SGSM3: variants seen among roughly 807,000 people sequenced by gnomAD.
SGSM3 encodes the protein small G protein signaling modulator 3.
A neutral mutation model predicts 100.5 loss-of-function variants in SGSM3; 96 were observed. That is an observed-to-expected ratio of 0.96 (90% CI 0.81 to 1.13). SGSM3 has a LOEUF of 1.13. Ranked by LOEUF, SGSM3 falls within the 50% of genes most tolerant of loss-of-function variation. The probability of loss-of-function intolerance (pLI) is 0.00; values close to 1 mark genes in which losing one functional copy is unlikely to be tolerated. For missense variants in SGSM3, 1,001 were observed against 1,015.8 expected, an observed-to-expected ratio of 0.99 and a Z score of 0.20; for synonymous variants, 483 against 422.8, an observed-to-expected ratio of 1.14 and a Z score of -1.75.
chr22:40,400,030 G>C (rs554217510), intron 1 of SGSM3, among the ~76,000 whole-genome samples: 3 of 152,138 alleles, frequency 2.0e-5, no homozygotes, highest in Non-Finnish European at 4.4e-5. Flanking sequence ...CCTTTGAAGT[G>C]GTGGTTTGAT....
chr22:40,384,292 C>T (rs1188142877), intron 1 of SGSM3, among the ~76,000 whole-genome samples: 2 of 151,888 alleles, frequency 1.3e-5, no homozygotes, highest in African/African-American at 2.4e-5. Flanking sequence ...TTACCCTAAA[C>T]CTTAGGATCT....
intron 17 of SGSM3, 31 bp downstream of exon 17, chr22:40,408,728 C>T: frequency 6.2e-7 from 1 of 1,613,924 alleles, no homozygotes; most frequent in Non-Finnish European, 8.5e-7. Context: ...CTGGTGGGGT[C>T]ACCAGCAGTG....
intron 3 of SGSM3, 64 bp from the exon 4 acceptor site, chr22:40,402,075 C>G: frequency 7.8e-7 from 1 of 1,284,286 alleles, no homozygotes; most frequent in Non-Finnish European, 1.1e-6. Context: ...TGGGTGGCAT[C>G]TTTCAGACCT....
At position 40,408,309 on chromosome 22, in the gene SGSM3, G is replaced by T; in HGVS notation, c.1662G>T (p.Glu554Asp). Reference protein sequence around the residue: ...YSIAGDDSVTEGVTDLVRGTL... With the variant: ...YSIAGDDSVTDGVTDLVRGTL... Reference sequence around the variant, plus strand: ...TCGCGGGGGATGACTCGGTGACGGAGGGGGTCACAGACCTCGTGCGAGGGA... The same window carrying T: ...TCGCGGGGGATGACTCGGTGACGGATGGGGTCACAGACCTCGTGCGAGGGA... Residue 554 changes from glutamate to aspartate, a missense_variant, in exon 16 of 22, where the codon GAG becomes GAT. Transcript: ENST00000248929. The T allele has an allele frequency of 6.2e-7, 1 of 1,613,596 alleles. No individual in the cohort carries two copies. Among genetic ancestry groups the T allele is most frequent in the Non-Finnish European group, 8.5e-7 (1 of 1,179,982 alleles).
rs557910657 is a variant in SGSM3, at chr22:40,409,579, C to T, written c.2172+54C>T. ...CACTGATGGAGCTGCCCAAACCGTTCGCGGGGTGGCTAAGGTGGGAACCCG... is the reference window on the plus strand; with the variant it reads ...CACTGATGGAGCTGCCCAAACCGTTTGCGGGGTGGCTAAGGTGGGAACCCG... On this transcript the variant is annotated intron_variant, in intron 21 of 21. Coordinates refer to ENST00000248929, the MANE Select transcript of SGSM3 (RefSeq NM_015705.6). 216 of 1,612,920 alleles carry T rather than the reference C, an allele frequency of 1.3e-4. 1 individual carries two copies. The South Asian group carries it at 1.6e-3, about 12-fold the overall frequency.
chr22:40,408,036 G>C (rs778305165), intron 14 of SGSM3, 35 bp from the exon 15 acceptor site: 3 of 1,608,452 alleles, frequency 1.9e-6, no homozygotes, highest in African/African-American at 1.3e-5. Context: ...CTCGGCCCTC[G>C]TGGTTGCTCC....
rs1413953306 is a variant in SGSM3, at chr22:40,408,368, A to G, written c.1721A>G (p.His574Arg). The G allele has an allele frequency of 2.5e-6, 4 of 1,613,412 alleles. No individual in the cohort carries two copies. The highest frequency in any genetic ancestry group is 3.4e-6 in the Non-Finnish European group (4 of 1,179,982). Reference sequence around the variant, plus strand: ...CCGGCCCTTAAGGCCCTGTTCGAACATGGACTGAAGAAGCCATCCCTGCTT... The same window carrying G: ...CCGGCCCTTAAGGCCCTGTTCGAACGTGGACTGAAGAAGCCATCCCTGCTT... ...LCPALKALFE[H>R]GLKKPSLLGG... Residue 574 changes from histidine to arginine, a missense_variant, in exon 16 of 22, where the codon CAT (histidine) becomes CGT (arginine). Transcript: ENST00000248929.
At chr22:40,397,836 T>C (rs1209356600) in intron 1 of SGSM3, among the ~76,000 whole-genome samples, 3 of 152,198 alleles carry the variant, frequency 2.0e-5, no homozygotes, top group African/African-American at 7.2e-5. Flanking sequence ...CTAACCCATA[T>C]TCTAAAGAGC....
chr22:40,371,081 ACTC>A lies in SGSM3; in HGVS notation c.-112+400_-112+402del, dbSNP rs564233133. Among the ~76,000 whole-genome samples, 18 of 152,082 alleles carry A rather than the reference ACTC, an allele frequency of 1.2e-4. No homozygotes were observed. In the East Asian group the frequency reaches 3.5e-3, roughly 29 times the overall value. Reference sequence around the variant, plus strand: ...GGCTCTGGCACCGGGACAGCTGCAGACTCCTCCTCAGGTTTAACTTGCGGTTTT... The same window carrying A: ...GGCTCTGGCACCGGGACAGCTGCAGACTCCTCAGGTTTAACTTGCGGTTTT... On this transcript the variant is annotated intron_variant, in intron 1 of 21. Transcript: ENST00000248929.
At chr22:40,380,890 A>G (rs1242416925) in intron 1 of SGSM3, among the ~76,000 whole-genome samples, 1 of 152,048 alleles carries the variant, frequency 6.6e-6, no homozygotes, top group Non-Finnish European at 1.5e-5. Flanking sequence ...AGCTGTGATC[A>G]CACCACTTCC....
chr22:40,377,108 A>G (rs1483032018), intron 1 of SGSM3, among the ~76,000 whole-genome samples: 2 of 152,224 alleles, frequency 1.3e-5, no homozygotes, highest in Non-Finnish European at 2.9e-5. Flanking sequence ...TTTAGTAGAC[A>G]TAAGTTGTTT....
In SGSM3 at chr22:40,405,219, C is replaced by A. The variant is rs1242808496; in HGVS notation, c.553C>A (p.Arg185Ser). 2 of 1,585,860 alleles carry A rather than the reference C, an allele frequency of 1.3e-6. No individual in the cohort carries two copies. The highest frequency in any genetic ancestry group is 1.7e-6 in the Non-Finnish European group (2 of 1,164,950). ...GGGTAGCATCGGGGTGCCCCGCCTG[C>A]GCAGGGTGCTCCGGGCCCTGGCCTG... The part of the protein sequence containing the change: ...SMGSIGVPRL[R>S]RVLRALAWLY... The change falls in exon 7 of 22, where the codon CGC becomes AGC. Residue 185 changes from arginine (R) to serine (S), a missense_variant. By Grantham distance (110) the Arg-to-Ser change is moderately radical. Transcript: ENST00000248929.
In SGSM3 at chr22:40,410,010, G is replaced by A. The variant is rs1602174525; in HGVS notation, c.*251G>A. 7.5e-7 allele frequency: 1 copy of A among 1,336,808 alleles called. No individual in the cohort carries two copies. The highest frequency in any genetic ancestry group is 3.0e-5 in the East Asian group (1 of 33,214). The allele number at this position is 1,336,808 out of a possible 1,614,324, so 82.8% of individuals were successfully genotyped here. Reference sequence around the variant, plus strand: ...CCAAAAACCTTGTGAGGAGGTGGGGGAGCCATGTCTGTGCTCAGGAAGAGG... The same window carrying A: ...CCAAAAACCTTGTGAGGAGGTGGGGAAGCCATGTCTGTGCTCAGGAAGAGG... On this transcript the variant is annotated 3_prime_UTR_variant, in exon 22 of 22. Transcript: ENST00000248929.
chr22:40,380,535 T>C (rs1418393897), intron 1 of SGSM3, among the ~76,000 whole-genome samples: 2 of 152,024 alleles, frequency 1.3e-5, no homozygotes, highest in African/African-American at 4.8e-5. Context: ...CCTGGCTAAT[T>C]CTTGTATTTC....
Position 40,396,069 on chromosome 22 carries a change from T to C in SGSM3, c.-111-4627T>C, listed in dbSNP as rs187562732. Among the ~76,000 whole-genome samples the C allele has an allele frequency of 2.6e-5, 4 of 152,322 alleles. No individual in the cohort carries two copies. In the East Asian group the frequency reaches 7.7e-4, roughly 29 times the overall value. The stretch of plus-strand genomic sequence containing the variant: ...CCTTGAAAAAGGTATTCATATATTT[T>C]TTCCTTTTCTAAAAAATGTTCATGT... On this transcript the variant is annotated intron_variant, in intron 1 of 21. Transcript: ENST00000248929.
At chr22:40,385,542 C>T (rs778531442) in intron 1 of SGSM3, among the ~76,000 whole-genome samples, 4 of 151,912 alleles carry the variant, frequency 2.6e-5, no homozygotes, top group Non-Finnish European at 4.4e-5. Context: ...TCTGAGAGGG[C>T]GGGCAGAAAG....
At chr22:40,373,857 G>A (rs1601665256) in intron 1 of SGSM3, among the ~76,000 whole-genome samples, 2 of 152,194 alleles carry the variant, frequency 1.3e-5, no homozygotes, top group South Asian at 2.1e-4. Context: ...CTCGTGATCC[G>A]CCCTCCTAGG....
chr22:40,379,150 C>T (rs561615434), intron 1 of SGSM3, among the ~76,000 whole-genome samples: 1 of 152,348 alleles, frequency 6.6e-6, no homozygotes, highest in South Asian at 2.1e-4. Flanking sequence ...TCTTTCCCCT[C>T]TAGAATGCTG....
chr22:40,405,058 G>A, intron 6 of SGSM3, 83 bp from the exon 7 acceptor site: 3 of 1,439,088 alleles, frequency 2.1e-6, no homozygotes, highest in Non-Finnish European at 2.8e-6. Flanking sequence ...CCCATTTCTG[G>A]GGGAGAAGCC....
Sources: gnomAD v4.1 joint callset for allele counts (sites outside exome capture counted in the v4.1 genomes callset) on GRCh38, gnomAD v4.1.1 for gene constraint, MANE v1.5 for transcripts, NCBI Gene and HGNC (gene_info 2026-07-23, HGNC 2026-07-21) for gene names.